LRP1B: variants seen among roughly 807,000 people sequenced by gnomAD.
LRP1B encodes the protein low-density lipoprotein receptor-related protein 1B.
Under a neutral mutation model 556.6 loss-of-function variants are expected in LRP1B, and 217 were observed. That is an observed-to-expected ratio of 0.39 (90% confidence interval 0.35 to 0.44). LRP1B has a LOEUF of 0.44. LRP1B is among the 20% of genes least tolerant of loss of function. The pLI, the probability that LRP1B is intolerant of heterozygous loss-of-function variation, is 1.00. For synonymous variants in LRP1B, 2,047 were observed against 1,865.8 expected, an observed-to-expected ratio of 1.10 and a Z score of -2.50; for missense variants, 5,053 against 5,620.8, an observed-to-expected ratio of 0.90 and a Z score of 3.23.
intron 1 of LRP1B, among the ~76,000 whole-genome samples, chr2:141,922,436 C>T (rs766884794): frequency 7.2e-5 from 11 of 152,116 alleles, no homozygotes; most frequent in South Asian, 2.1e-4. Context: ...TCAGTTAAAA[C>T]GTCACCTCCT....
intron 1 of LRP1B, among the ~76,000 whole-genome samples, chr2:142,050,374 G>A (rs894012289): frequency 6.6e-6 from 1 of 152,018 alleles, no homozygotes; most frequent in Non-Finnish European, 1.5e-5. Flanking sequence ...CTTCTAGCTT[G>A]TGTGTAAGCC....
chr2:142,089,235 A>ATTC (rs35890642), intron 1 of LRP1B, among the ~76,000 whole-genome samples: 1 of 151,706 alleles, frequency 6.6e-6, no homozygotes. Context: ...GCAACTATTT[A>ATTC]AGAATCTACA....
At chr2:140,537,726 T>C (rs533972849) in intron 45 of LRP1B, among the ~76,000 whole-genome samples, 103 of 152,190 alleles carry the variant, frequency 6.8e-4, no homozygotes, top group Non-Finnish European at 1.3e-3. Context: ...TTATTAAAAA[T>C]TAAGAGTTTG....
At chr2:141,604,373 A>G (rs1056640974) in intron 2 of LRP1B, among the ~76,000 whole-genome samples, 5 of 152,136 alleles carry the variant, frequency 3.3e-5, no homozygotes, top group African/African-American at 1.2e-4. Context: ...TAAGATAAGC[A>G]CGGTAAAATA....
intron 86 of LRP1B, among the ~76,000 whole-genome samples, chr2:140,259,921 G>T (rs531395608): frequency 6.6e-6 from 1 of 151,898 alleles, no homozygotes; most frequent in South Asian, 2.1e-4. Flanking sequence ...AATATGCCCT[G>T]CCCCCACACA....
intron 3 of LRP1B, among the ~76,000 whole-genome samples, chr2:141,399,728 A>G (rs1017015656): frequency 6.6e-6 from 1 of 152,184 alleles, no homozygotes; most frequent in Non-Finnish European, 1.5e-5. Flanking sequence ...AGACACTGTC[A>G]TTGTCCTCGT....
chr2:141,688,773 A>C (rs1282103439), intron 2 of LRP1B, among the ~76,000 whole-genome samples: 1 of 151,828 alleles, frequency 6.6e-6, no homozygotes, highest in Non-Finnish European at 1.5e-5. Context: ...ATGTATCAAA[A>C]ACCGTTTCAA....
At position 140,364,722 on chromosome 2, in the gene LRP1B, G is replaced by C. The variant is rs2105151663; in HGVS notation, c.11070C>G (p.Phe3690Leu). Residue 3690 changes from phenylalanine to leucine, a missense_variant, in exon 72 of 91, where the codon TTC becomes TTG. Transcript: ENST00000389484. ...AGTCGTCCTCTCCATCACACACCCAGAAATGTAGTTTGCAGAGAGAATTAT... is the reference window on the plus strand; with the variant it reads ...AGTCGTCCTCTCCATCACACACCCACAAATGTAGTTTGCAGAGAGAATTAT... ...LCNNSLCKLHFWVCDGEDDCG... is the reference protein window; with the variant it reads ...LCNNSLCKLHLWVCDGEDDCG... The C allele has an allele frequency of 6.2e-7, 1 of 1,610,294 alleles. No individual in the cohort carries two copies. Among genetic ancestry groups the C allele is most frequent in the Non-Finnish European group, 8.5e-7 (1 of 1,177,492 alleles).
At chr2:141,494,493 A>G (rs140766821) in intron 2 of LRP1B, among the ~76,000 whole-genome samples, 18 of 152,114 alleles carry the variant, frequency 1.2e-4, no homozygotes, top group African/African-American at 3.6e-4. Flanking sequence ...CCTTTGAGTG[A>G]GTTCATATGA....
At position 141,015,846 on chromosome 2, in the gene LRP1B, C is replaced by G. The variant is rs778749699; in HGVS notation, c.2040G>C (p.Trp680Cys). 2.5e-6 allele frequency: 4 copies of G among 1,613,542 alleles called. No individual in the cohort carries two copies. Among genetic ancestry groups the G allele is most frequent in the East Asian group, 2.2e-5 (1 of 44,760 alleles). ...DDSVGRIEKA[W>C]MDGFNRQIFV... ...AAATCTGCCGATTGAATCCATCCAT[C>G]CAGGCCTTCTCAATCCTTCCCACGC... Residue 680 changes from tryptophan to cysteine, a missense_variant, in exon 13 of 91, where the codon TGG becomes TGC. By Grantham distance (215) the Trp-to-Cys change is radical. Around this residue, in one of 5 missense-constraint regions of LRP1B, gnomAD observed 3,619 missense variants for 3,931.9 expected, o/e 0.92. Transcript: ENST00000389484.
intron 18 of LRP1B, 148 bp downstream of exon 18, chr2:140,982,012 G>T: frequency 1.7e-6 from 1 of 575,606 alleles, no homozygotes; most frequent in Admixed American, 3.0e-5. Flanking sequence ...GCACAATCAG[G>T]TCCAAAAGTT....
At chr2:140,747,573 A>G (rs1467329995) in intron 35 of LRP1B, among the ~76,000 whole-genome samples, 3 of 152,140 alleles carry the variant, frequency 2.0e-5, no homozygotes, top group African/African-American at 7.2e-5. Context: ...GAGAAATTTC[A>G]ATGTCAATTT....
At chr2:140,838,854 G>A (rs749229655) in intron 31 of LRP1B, among the ~76,000 whole-genome samples, 12 of 152,198 alleles carry the variant, frequency 7.9e-5, no homozygotes, top group South Asian at 2.1e-4. Flanking sequence ...ATTAAGGTTC[G>A]AAACAGTATT....
chr2:141,432,785 G>A (rs1680608523), intron 3 of LRP1B, among the ~76,000 whole-genome samples: 2 of 151,806 alleles, frequency 1.3e-5, no homozygotes, highest in Non-Finnish European at 1.5e-5. Flanking sequence ...AGTAATTTGA[G>A]TATTTTGCTT....
chr2:141,114,762 C>G (rs995523346), intron 7 of LRP1B, among the ~76,000 whole-genome samples: 2 of 152,104 alleles, frequency 1.3e-5, no homozygotes, highest in Non-Finnish European at 2.9e-5. Flanking sequence ...TTCTACCCAG[C>G]ATTTCCCTGC....
At chr2:140,631,973 A>C (rs911361895) in intron 41 of LRP1B, among the ~76,000 whole-genome samples, 1 of 151,550 alleles carries the variant, frequency 6.6e-6, no homozygotes, top group African/African-American at 2.4e-5. Context: ...TTAGAAACCA[A>C]ACAAGCAAAA....
chr2:141,160,333 C>A (rs1052731753), intron 7 of LRP1B, among the ~76,000 whole-genome samples: 1 of 152,050 alleles, frequency 6.6e-6, no homozygotes, highest in Non-Finnish European at 1.5e-5. Flanking sequence ...CAGCCTCACT[C>A]ATAAAGTTGG....
intron 3 of LRP1B, among the ~76,000 whole-genome samples, chr2:141,436,066 C>T (rs1191240803): frequency 6.6e-6 from 1 of 152,144 alleles, no homozygotes; most frequent in Admixed American, 6.5e-5. Flanking sequence ...ATGCCACAGA[C>T]TCTTTCTGTT....
chr2:141,529,493 C>T (rs1243072808), intron 2 of LRP1B, among the ~76,000 whole-genome samples: 1 of 152,124 alleles, frequency 6.6e-6, no homozygotes, highest in Non-Finnish European at 1.5e-5. Flanking sequence ...ATATGTTACA[C>T]ATATACATAT....
Sources: allele counts gnomAD v4.1 joint callset (sites outside exome capture counted in the v4.1 genomes callset), GRCh38; gene constraint gnomAD v4.1.1; regional missense constraint gnomAD v4.1.1; transcripts MANE v1.5; gene names NCBI Gene and HGNC (gene_info 2026-07-23, HGNC 2026-07-21).